The following WNK1 variants were observed in gnomAD, a reference collection of about 807,000 sequenced individuals.
WNK1 encodes serine/threonine-protein kinase WNK1.
Under a neutral mutation model 222.8 loss-of-function variants are expected in WNK1, and 38 were observed. The ratio of observed to expected loss-of-function variants is 0.17; its 90% CI spans 0.13 to 0.22. The LOEUF (loss-of-function observed/expected upper bound fraction) is 0.22. WNK1 is among the 10% of genes least tolerant of loss of function. The probability of loss-of-function intolerance (pLI) is 1.00; values close to 1 mark genes in which losing one functional copy is unlikely to be tolerated. For missense variants in WNK1, 2,348 were observed against 2,918.4 expected, an observed-to-expected ratio of 0.80 and a Z score of 4.50; for synonymous variants, 1,090 against 1,092.9, an observed-to-expected ratio of 1.00 and a Z score of 0.05.
rs1939376180 is a variant in WNK1, at chr12:752,583, TC to T, written c.-980del. ...AGCGGGCTGTGTGGAGGCTTCAGAC[TC>T]CCGGCGCCATTTAGCGCGGAGAGTT... is the stretch of plus-strand genomic sequence containing the variant. On this transcript the variant is annotated 5_prime_UTR_variant, in exon 1 of 28. Coordinates refer to ENST00000315939, the MANE Select transcript of WNK1 (RefSeq NM_018979.4). The T allele has an allele frequency of 6.6e-6, 1 of 152,180 alleles. No individual in the cohort carries two copies. The highest frequency in any genetic ancestry group is 2.4e-5 in the African/African-American group (1 of 41,394). The allele number at this position is 152,180 out of a possible 1,614,324, so 9.4% of individuals were successfully genotyped here.
chr12:793,817 A>G (rs1318211726), intron 1 of WNK1, among the ~76,000 whole-genome samples: 1 of 152,192 alleles, frequency 6.6e-6, no homozygotes, highest in Non-Finnish European at 1.5e-5. Flanking sequence ...TAAAATATAC[A>G]ATTCAGTGGT....
chr12:784,749 G>C (rs1234033096), intron 1 of WNK1, among the ~76,000 whole-genome samples: 1 of 152,070 alleles, frequency 6.6e-6, no homozygotes, highest in Admixed American at 6.5e-5. Flanking sequence ...TTCACCATTT[G>C]TACTGGTTGC....
At chr12:810,402 T>C (rs1377275366) in intron 1 of WNK1, among the ~76,000 whole-genome samples, 1 of 152,246 alleles carries the variant, frequency 6.6e-6, no homozygotes, top group Admixed American at 6.5e-5. Flanking sequence ...AGAGTTATCA[T>C]GTGTGGTCTT....
chr12:809,257 T>C (rs1262593608), intron 1 of WNK1, among the ~76,000 whole-genome samples: 1 of 150,074 alleles, frequency 6.7e-6, no homozygotes, highest in East Asian at 2.0e-4. Flanking sequence ...TTTTTTTTTT[T>C]GGTCTTTCTG....
At chr12:894,479 T>A in intron 22 of WNK1, 83 bp from the exon 23 acceptor site, 1 of 1,188,646 alleles carries the variant, frequency 8.4e-7, no homozygotes. Context: ...TGTAGTTTGA[T>A]TTTGCTGTAT....
intron 4 of WNK1, chr12:851,581 T>G (rs1032996518): frequency 1.7e-6 from 2 of 1,199,096 alleles, no homozygotes; most frequent in African/African-American, 3.2e-5. Context: ...AACAAGAAAC[T>G]GTGTTTCAGT....
chr12:776,619 A>G (rs1013169210), intron 1 of WNK1, among the ~76,000 whole-genome samples: 1 of 151,688 alleles, frequency 6.6e-6, no homozygotes, highest in Non-Finnish European at 1.5e-5. Context: ...TTTAGGAGAG[A>G]CAGGGTTTCA....
chr12:877,486 A>T (rs958261858), intron 9 of WNK1, among the ~76,000 whole-genome samples: 2 of 152,198 alleles, frequency 1.3e-5, no homozygotes, highest in African/African-American at 4.8e-5. Flanking sequence ...TGTTCCATGC[A>T]TTAAATTAGG....
chr12:891,602 C>CTTTTTTTTTTTTTTTTTA (rs1954242015), intron 22 of WNK1, among the ~76,000 whole-genome samples: 1 of 126,010 alleles, frequency 7.9e-6, no homozygotes, highest in Non-Finnish European at 1.7e-5. Flanking sequence ...GATTTTTTTT[C>CTTTTTTTTTTTTTTTTTA]TTTTTTTTTT....
chr12:860,545 C>CT (rs1189444030), intron 6 of WNK1, among the ~76,000 whole-genome samples: 3 of 152,050 alleles, frequency 2.0e-5, no homozygotes, highest in Non-Finnish European at 4.4e-5. Flanking sequence ...AGCTTTTTTG[C>CT]TTTTTTGGAG....
chr12:755,408 A>G (rs1939851761), intron 1 of WNK1, among the ~76,000 whole-genome samples: 1 of 152,248 alleles, frequency 6.6e-6, no homozygotes, highest in Admixed American at 6.5e-5. Context: ...ATATGTTAAC[A>G]CGTAACCCTT....
At chr12:801,004 G>A (rs758107222) in intron 1 of WNK1, among the ~76,000 whole-genome samples, 1 of 152,138 alleles carries the variant, frequency 6.6e-6, no homozygotes, top group Non-Finnish European at 1.5e-5. Context: ...GAAAGGTATT[G>A]GTTCCTTTCT....
At chr12:847,403 A>G (rs1324890844) in intron 4 of WNK1, among the ~76,000 whole-genome samples, 1 of 152,210 alleles carries the variant, frequency 6.6e-6, no homozygotes, top group Non-Finnish European at 1.5e-5. Context: ...CCCTGAAAGA[A>G]GCATAAGACT....
chr12:758,172 C>G (rs1164006883), intron 1 of WNK1, among the ~76,000 whole-genome samples: 1 of 146,166 alleles, frequency 6.8e-6, no homozygotes, highest in Non-Finnish European at 1.5e-5. Flanking sequence ...AGATTGTTTC[C>G]ACATCTACCT....
At position 763,217 on chromosome 12, in the gene WNK1, A is replaced by G. The variant is rs114863214; in HGVS notation, c.759+8893A>G. Among the ~76,000 whole-genome samples, 255 of 147,750 alleles carry G rather than the reference A, an allele frequency of 1.7e-3. 12 individuals carry two copies. Among genetic ancestry groups the G allele is most frequent in the African/African-American group, 6.1e-3 (252 of 41,232 alleles). On this transcript the variant is annotated intron_variant, in intron 1 of 27. Coordinates refer to ENST00000315939, the MANE Select transcript of WNK1 (RefSeq NM_018979.4). ...GGTGGGTGGCATTAACAGTGTGAAT[A>G]TGCTGAACAAAGGGATGACATGTCC... is the stretch of plus-strand genomic sequence containing the variant.
In WNK1 at chr12:900,570, G is replaced by A. The variant is rs758937169; in HGVS notation, c.6543G>A (p.Leu2181=). 1.9e-6 allele frequency: 3 copies of A among 1,614,202 alleles called. No individual in the cohort carries two copies. In the Admixed American group the frequency reaches 5.0e-5, roughly 27 times the overall value. Residue 2181 remains leucine (L), a synonymous_variant, in exon 26 of 28, where the codon CTG becomes CTA. Transcript: ENST00000315939. ...TCCCAGAGTCCGGGCAGAATCAGCT[G>A]TTACAGCCCCTTAAGCCATCTCCCT... The part of the protein sequence containing the change: ...GNIPESGQNQ[L]LQPLKPSPSS...
At chr12:762,041 T>C (rs892162569) in intron 1 of WNK1, among the ~76,000 whole-genome samples, 3 of 131,494 alleles carry the variant, frequency 2.3e-5, no homozygotes, top group Non-Finnish European at 3.4e-5. Context: ...CATCCTCCTG[T>C]ATAGTTTATT....
chr12:898,119 A>G (rs1359264980), intron 25 of WNK1, among the ~76,000 whole-genome samples: 1 of 152,158 alleles, frequency 6.6e-6, no homozygotes, highest in Non-Finnish European at 1.5e-5. Context: ...CGTCATATAG[A>G]TATTTGTGTG....
intron 4 of WNK1, chr12:851,667 A>G (rs1268714214): frequency 3.1e-6 from 4 of 1,308,274 alleles, no homozygotes; most frequent in Middle Eastern, 2.1e-4. Flanking sequence ...TTTTCCTCCA[A>G]TAAGAAATCT....
Sources: allele counts gnomAD v4.1 joint callset (sites outside exome capture counted in the v4.1 genomes callset), GRCh38; gene constraint gnomAD v4.1.1; transcripts MANE v1.5; gene names NCBI Gene and HGNC (gene_info 2026-07-23, HGNC 2026-07-21).